The following GRIN2A variants were observed in gnomAD, a reference collection of about 807,000 sequenced individuals.
GRIN2A encodes the protein glutamate ionotropic receptor NMDA type subunit 2A.
A neutral mutation model predicts 113.4 loss-of-function variants in GRIN2A; 22 were observed. The observed-to-expected ratio is 0.19, with a 90% CI of 0.14 to 0.28. The LOEUF is 0.28. Among genes scored for constraint, GRIN2A ranks in the 10% least tolerant of loss-of-function variants. GRIN2A has a pLI of 1.00. For missense variants in GRIN2A, 1,502 were observed against 1,887.0 expected, an observed-to-expected ratio of 0.80 and a Z score of 3.78; for synonymous variants, 827 against 738.4, an observed-to-expected ratio of 1.12 and a Z score of -1.94.
intron 2 of GRIN2A, among the ~76,000 whole-genome samples, chr16:10,127,484 C>T (rs866060429): frequency 1.6e-4 from 24 of 152,288 alleles, no homozygotes; most frequent in African/African-American, 5.5e-4. Flanking sequence ...TAACTACCAC[C>T]GCCCTGGGAG....
intron 2 of GRIN2A, among the ~76,000 whole-genome samples, chr16:10,001,221 G>A (rs1345264323): frequency 6.6e-6 from 1 of 152,122 alleles, no homozygotes; most frequent in East Asian, 1.9e-4. Context: ...TACAAAGAGT[G>A]TTTATCCAAA....
chr16:9,891,775 C>A (rs2043699155), intron 3 of GRIN2A, among the ~76,000 whole-genome samples: 1 of 152,128 alleles, frequency 6.6e-6, no homozygotes, highest in South Asian at 2.1e-4. Flanking sequence ...AAAGAGGCAA[C>A]ATGTGCAAAG....
chr16:9,971,156 C>T (rs975817924), intron 2 of GRIN2A, among the ~76,000 whole-genome samples: 4 of 152,198 alleles, frequency 2.6e-5, no homozygotes, highest in African/African-American at 9.7e-5. Context: ...TTATTCTTCC[C>T]ATTGACAGGT....
chr16:10,066,083 T>C (rs1483873280), intron 2 of GRIN2A, among the ~76,000 whole-genome samples: 1 of 152,192 alleles, frequency 6.6e-6, no homozygotes, highest in Non-Finnish European at 1.5e-5. Flanking sequence ...CCCCAGCACA[T>C]CTTAGGAACT....
chr16:10,038,856 AAC>A (rs775539972), intron 2 of GRIN2A, among the ~76,000 whole-genome samples: 1,406 of 97,646 alleles, frequency 0.014, 17 homozygotes, highest in South Asian at 0.049. Flanking sequence ...TCAAAAAAAA[AAC>A]AAAAAACAAA....
chr16:9,930,075 G>A (rs1361267014), intron 3 of GRIN2A, among the ~76,000 whole-genome samples: 1 of 152,162 alleles, frequency 6.6e-6, no homozygotes, highest in Admixed American at 6.5e-5. Flanking sequence ...TGTTCCAGGA[G>A]AGATGCCACA....
At chr16:9,851,644 C>T (rs114115260) in intron 4 of GRIN2A, among the ~76,000 whole-genome samples, 7 of 152,250 alleles carry the variant, frequency 4.6e-5, no homozygotes, top group Middle Eastern at 3.4e-3. Context: ...ACACAACCTT[C>T]GAGAGAGGGT....
intron 2 of GRIN2A, among the ~76,000 whole-genome samples, chr16:10,166,918 T>C (rs1310492487): frequency 1.3e-5 from 2 of 152,208 alleles, no homozygotes; most frequent in East Asian, 1.9e-4. Flanking sequence ...CGATTTTCCT[T>C]ATGATCTTCT....
intron 2 of GRIN2A, among the ~76,000 whole-genome samples, chr16:10,073,168 C>A: frequency 6.6e-6 from 1 of 151,994 alleles, no homozygotes; most frequent in Non-Finnish European, 1.5e-5. Flanking sequence ...GTTGGCCAAG[C>A]TGGTCTCAAA....
chr16:10,154,380 G>A (rs1353419822), intron 2 of GRIN2A, among the ~76,000 whole-genome samples: 1 of 152,132 alleles, frequency 6.6e-6, no homozygotes, highest in Non-Finnish European at 1.5e-5. Context: ...TATCTTAAAG[G>A]GCATCTCCTG....
At position 10,179,674 on chromosome 16, in the gene GRIN2A, T is replaced by G; in HGVS notation, c.414+324A>C. The G allele has an allele frequency of 9.0e-6, 4 of 444,508 alleles. No individual in the cohort carries two copies. The South Asian group carries it at 9.1e-5, about 10-fold the overall frequency. 27.5% of individuals were successfully genotyped at this position (444,508 alleles called of 1,614,324 possible). On this transcript the variant is annotated intron_variant, in intron 2 of 12. Coordinates refer to ENST00000330684, the MANE Select transcript of GRIN2A (RefSeq NM_001134407.3). ...CTGGGCCCACCTCTGTGCCCCATGG[T>G]ACTCGTAAATCTCCAAACATGCCAC...
chr16:9,764,060 C>G lies in GRIN2A; in HGVS notation c.3484G>C (p.Asp1162His), dbSNP rs1303071374. ...TTCCGGTTCATTGGCAGCGTGGAGT[C>G]CCCCTTGCGGAAGTTTTCACTGGGA... ...QDPSENFRKG[D>H]STLPMNRNPL... is the part of the protein sequence containing the mutation. Residue 1162 changes from aspartate (D) to histidine (H), a missense_variant, in exon 13 of 13, where the codon GAC (aspartate) becomes CAC (histidine). Around this residue, in one of 7 missense-constraint regions of GRIN2A, gnomAD observed 832 missense variants for 789.7 expected, o/e 1.05. Coordinates refer to ENST00000330684, the MANE Select transcript of GRIN2A (RefSeq NM_001134407.3). 3.7e-6 allele frequency: 6 copies of G among 1,613,760 alleles called. No individual in the cohort carries two copies. The highest frequency in any genetic ancestry group is 5.1e-6 in the Non-Finnish European group (6 of 1,179,730).
rs79850932 is a variant in GRIN2A at position 10,167,084 on chromosome 16, G to T, written c.414+12914C>A. On this transcript the variant is annotated intron_variant, in intron 2 of 12. Transcript: ENST00000330684. ...TACATGGATTTTAAACTGCATGGGGGTTAATGCAACTAGCGCCTGCATTAT... is the reference window on the plus strand; with the variant it reads ...TACATGGATTTTAAACTGCATGGGGTTTAATGCAACTAGCGCCTGCATTAT... Among the ~76,000 whole-genome samples, 344 of 151,906 alleles carry T rather than the reference G, an allele frequency of 2.3e-3. 1 individual carries two copies. The highest frequency in any genetic ancestry group is 3.5e-3 in the Non-Finnish European group (238 of 67,978).
intron 5 of GRIN2A, among the ~76,000 whole-genome samples, chr16:9,846,319 A>G (rs1346066364): frequency 6.6e-6 from 1 of 152,192 alleles, no homozygotes; most frequent in East Asian, 1.9e-4. Flanking sequence ...TAGGAGGGGC[A>G]TATTTATTTA....
At chr16:9,978,899 G>A (rs1377086554) in intron 2 of GRIN2A, among the ~76,000 whole-genome samples, 1 of 152,188 alleles carries the variant, frequency 6.6e-6, no homozygotes, top group Non-Finnish European at 1.5e-5. Context: ...AGATGGATGT[G>A]ACAGTAAATT....
At chr16:9,879,520 G>A (rs934274646) in intron 4 of GRIN2A, among the ~76,000 whole-genome samples, 8 of 152,042 alleles carry the variant, frequency 5.3e-5, no homozygotes, top group South Asian at 2.1e-4. Context: ...CTCAGATTCC[G>A]CGGCCACTAT....
At chr16:10,105,121 G>A (rs1310266546) in intron 2 of GRIN2A, among the ~76,000 whole-genome samples, 3 of 149,780 alleles carry the variant, frequency 2.0e-5, no homozygotes, top group Admixed American at 1.3e-4. Context: ...AGTTCATCCC[G>A]AGTCTTCTCT....
At chr16:9,935,525 C>CAT (rs2044693476) in intron 3 of GRIN2A, among the ~76,000 whole-genome samples, 1 of 143,158 alleles carries the variant, frequency 7.0e-6, no homozygotes, top group African/African-American at 2.9e-5. Context: ...CACACACACA[C>CAT]ACACACACAC....
At chr16:10,096,192 C>A (rs908589167) in intron 2 of GRIN2A, among the ~76,000 whole-genome samples, 1 of 152,146 alleles carries the variant, frequency 6.6e-6, no homozygotes, top group Non-Finnish European at 1.5e-5. Context: ...GTTTTTTAGG[C>A]TCCTTGGGTG....
Sources: allele counts gnomAD v4.1 joint callset (sites outside exome capture counted in the v4.1 genomes callset), GRCh38; gene constraint gnomAD v4.1.1; regional missense constraint gnomAD v4.1.1; transcripts MANE v1.5; gene names NCBI Gene and HGNC (gene_info 2026-07-23, HGNC 2026-07-21).